Variants in TRIM44 observed in about 807,000 individuals in gnomAD.
TRIM44 encodes the protein tripartite motif-containing protein 44.
In TRIM44, 13 loss-of-function variants were observed where a neutral mutation model predicts 37.4. That is an observed-to-expected ratio of 0.35 (90% CI 0.23 to 0.55). TRIM44 has a LOEUF of 0.55. Among genes scored for constraint, TRIM44 ranks in the 20% least tolerant of loss-of-function variants. The pLI is 0.89. For synonymous variants in TRIM44, 175 were observed against 157.2 expected (o/e 1.11, Z -0.85); for missense variants, 426 against 437.2 (o/e 0.97, Z 0.23).
At chr11:35,745,005 A>G (rs962006675) in intron 4 of TRIM44, among the ~76,000 whole-genome samples, 5 of 152,176 alleles carry the variant, frequency 3.3e-5, no homozygotes, top group Admixed American at 2.6e-4. Flanking sequence ...TGTCTTTGCT[A>G]TTGTGAATAT....
chr11:35,689,313 C>T (rs1851614956), intron 2 of TRIM44, among the ~76,000 whole-genome samples: 3 of 152,088 alleles, frequency 2.0e-5, no homozygotes, highest in South Asian at 4.2e-4. Flanking sequence ...GGTACAAGAC[C>T]GAATGAAGTT....
chr11:35,682,104 A>G (rs980581367), intron 1 of TRIM44, among the ~76,000 whole-genome samples: 1 of 151,544 alleles, frequency 6.6e-6, no homozygotes, highest in African/African-American at 2.4e-5. Context: ...GCTATGTCCC[A>G]TGCTTTTGAA....
At chr11:35,720,303 T>G (rs1374925044) in intron 2 of TRIM44, among the ~76,000 whole-genome samples, 1 of 152,208 alleles carries the variant, frequency 6.6e-6, no homozygotes, top group Non-Finnish European at 1.5e-5. Context: ...AATGGTATTA[T>G]CTTTTTAACT....
chr11:35,692,922 CAA>C (rs777241555), intron 2 of TRIM44, among the ~76,000 whole-genome samples: 3 of 116,776 alleles, frequency 2.6e-5, no homozygotes, highest in Non-Finnish European at 1.8e-5. Context: ...GATTCCGTCT[CAA>C]AAAAAAAAAA....
At chr11:35,682,878 G>T (rs989324531) in intron 1 of TRIM44, among the ~76,000 whole-genome samples, 14 of 152,182 alleles carry the variant, frequency 9.2e-5, no homozygotes, top group Non-Finnish European at 5.9e-5. Context: ...TTTTCTGAAG[G>T]TTTTAAGACA....
At position 35,666,374 on chromosome 11, in the gene TRIM44, C is replaced by T. The variant is rs1055707049; in HGVS notation, c.669+2594C>T. 4.6e-5 allele frequency among the ~76,000 whole-genome samples: 7 copies of T among 152,216 alleles called. No homozygotes were observed. The South Asian group carries it at 8.3e-4, about 18-fold the overall frequency. ...ACAAGAGTGTGTTGGCCAGTTTTGG[C>T]ACTTTACATTTCTTAGAATCATAGT... On this transcript the variant is annotated intron_variant, in intron 1 of 4. Coordinates refer to ENST00000299413, the MANE Select transcript of TRIM44 (RefSeq NM_017583.6).
At chr11:35,668,746 G>A (rs1748532109) in intron 1 of TRIM44, among the ~76,000 whole-genome samples, 2 of 152,144 alleles carry the variant, frequency 1.3e-5, no homozygotes, top group African/African-American at 4.8e-5. Context: ...GGATTGCTAG[G>A]TATTATTGTT....
intron 2 of TRIM44, among the ~76,000 whole-genome samples, chr11:35,714,094 G>A (rs1317780870): frequency 2.0e-5 from 3 of 152,086 alleles, no homozygotes; most frequent in Non-Finnish European, 4.4e-5. Flanking sequence ...GTTCCCTTGG[G>A]AAATTAGATC....
chr11:35,717,705 G>C lies in TRIM44; in HGVS notation c.748-8219G>C, dbSNP rs149593417. ...ACTGTGCCTCTGAGAACCAGGATTA[G>C]ACCACTGGTAAGCAATTCAGAACAG... On this transcript the variant is annotated intron_variant, in intron 2 of 4. Transcript: ENST00000299413. 1.8e-3 allele frequency among the ~76,000 whole-genome samples: 279 copies of C among 152,216 alleles called. 2 individuals carry two copies. Among genetic ancestry groups the C allele is most frequent in the African/African-American group, 6.5e-3 (268 of 41,526 alleles).
In TRIM44 at chr11:35,807,373, A is replaced by T. The variant is rs1161395048; in HGVS notation, c.*988A>T. 1.3e-5 allele frequency: 2 copies of T among 152,006 alleles called. No homozygotes were observed. The highest frequency in any genetic ancestry group is 2.9e-5 in the Non-Finnish European group (2 of 67,998). The allele number at this position is 152,006 out of a possible 1,614,324, so 9.4% of individuals were successfully genotyped here. ...ATTCAGCTCATCTCCCAGCATATAG[A>T]TATATCCTCCTTTAACTCCGACCAG... On this transcript the variant is annotated 3_prime_UTR_variant, in exon 5 of 5. Coordinates refer to ENST00000299413, the MANE Select transcript of TRIM44 (RefSeq NM_017583.6).
Position 35,725,961 on chromosome 11 carries a change from A to G in TRIM44, c.785A>G (p.Glu262Gly). The change falls in exon 3 of 5, where the codon GAA becomes GGA. Residue 262 changes from glutamate to glycine, a missense_variant. Around this residue, in one of 2 missense-constraint regions of TRIM44, gnomAD observed 95 missense variants for 134.2 expected, o/e 0.71. Coordinates refer to ENST00000299413, the MANE Select transcript of TRIM44 (RefSeq NM_017583.6). ...CAAATGAAGATGTTTATACAGCAGG[A>G]ATTTAAGAAAGTTCAGAAAGTGATT... ...RDQMKMFIQQ[E>G]FKKVQKVIAD... is the part of the protein sequence containing the mutation. 5 of 1,614,082 alleles carry G rather than the reference A, an allele frequency of 3.1e-6. No individual in the cohort carries two copies. Among genetic ancestry groups the G allele is most frequent in the Non-Finnish European group, 4.2e-6 (5 of 1,179,990 alleles).
At chr11:35,759,801 C>T (rs1291808842) in intron 4 of TRIM44, among the ~76,000 whole-genome samples, 1 of 152,202 alleles carries the variant, frequency 6.6e-6, no homozygotes, top group Non-Finnish European at 1.5e-5. Context: ...GCGGAGCCTG[C>T]AGAACAGCAT....
chr11:35,777,305 T>G (rs1392987105), intron 4 of TRIM44, among the ~76,000 whole-genome samples: 1 of 152,208 alleles, frequency 6.6e-6, no homozygotes, highest in African/African-American at 2.4e-5. Context: ...TTCCGTTTGC[T>G]TAGTAGATCT....
Position 35,726,888 on chromosome 11 carries a change from A to G in TRIM44, c.987+725A>G, listed in dbSNP as rs754877210. 7.9e-5 allele frequency among the ~76,000 whole-genome samples: 12 copies of G among 152,030 alleles called. 1 individual carries two copies. The highest frequency in any genetic ancestry group is 1.5e-4 in the Non-Finnish European group (10 of 67,990). On this transcript the variant is annotated intron_variant, in intron 3 of 4. Transcript: ENST00000299413. ...AAAAAAAAAAGTACAAGCTGGGCTC[A>G]GTGGCTCACGCCTGTAATCCCAGCA...
intron 3 of TRIM44, among the ~76,000 whole-genome samples, chr11:35,727,129 C>T (rs1852185238): frequency 6.6e-6 from 1 of 151,636 alleles, no homozygotes; most frequent in South Asian, 2.1e-4. Context: ...TTGCACTCCA[C>T]CCTGTGTGAC....
intron 2 of TRIM44, among the ~76,000 whole-genome samples, chr11:35,702,821 G>A (rs890704888): frequency 4.6e-5 from 7 of 152,224 alleles, no homozygotes; most frequent in South Asian, 2.1e-4. Context: ...AGCTCCCAGC[G>A]TGAGCAACGC....
At chr11:35,702,006 C>A (rs11603681) in intron 2 of TRIM44, among the ~76,000 whole-genome samples, 13,964 of 152,200 alleles carry the variant, frequency 0.092, 855 homozygotes, top group Non-Finnish European at 0.13. Context: ...GGAAAATCAT[C>A]TTTTTTGTTT....
intron 2 of TRIM44, among the ~76,000 whole-genome samples, chr11:35,701,068 A>G (rs1011918630): frequency 8.5e-5 from 13 of 152,148 alleles, no homozygotes; most frequent in African/African-American, 3.1e-4. Flanking sequence ...TTGGAAGAAC[A>G]GGGCCGGGAA....
chr11:35,742,747 A>AATGTTAT lies in TRIM44; in HGVS notation c.1007+7310_1007+7316dup, dbSNP rs1360689648. 1.6e-3 allele frequency among the ~76,000 whole-genome samples: 225 copies of AATGTTAT among 137,714 alleles called. 1 individual carries two copies. The highest frequency in any genetic ancestry group is 5.4e-3 in the African/African-American group (200 of 36,866). 90.3% of individuals were successfully genotyped at this position (137,714 alleles called of 152,430 possible). On this transcript the variant is annotated intron_variant, in intron 4 of 4. Transcript: ENST00000299413. ...TAATTATATTAAATATAATTATATT[A>AATGTTAT]ATGTTATATGTTATGTATTATATAT...
Sources: gnomAD v4.1 joint callset for allele counts (sites outside exome capture counted in the v4.1 genomes callset) on GRCh38, gnomAD v4.1.1 for gene constraint, gnomAD v4.1.1 regional missense constraint, MANE v1.5 for transcripts, NCBI Gene and HGNC (gene_info 2026-07-23, HGNC 2026-07-21) for gene names.